The following AGBL4 variants were observed in gnomAD, a reference collection of about 807,000 sequenced individuals.
The protein encoded by AGBL4 is AGBL carboxypeptidase 4, also known as cytosolic carboxypeptidase 6.
Under a neutral mutation model 66.4 loss-of-function variants are expected in AGBL4, and 58 were observed. That is an observed-to-expected ratio of 0.87 (90% CI 0.71 to 1.09). The LOEUF (loss-of-function observed/expected upper bound fraction) is 1.09, where lower values mean the gene tolerates loss of function less well. Ranked by LOEUF, AGBL4 falls within the 50% of genes least tolerant of loss-of-function variation. AGBL4 has a pLI of 0.00. For synonymous variants in AGBL4, 234 were observed against 222.9 expected, an observed-to-expected ratio of 1.05 and a Z score of -0.44; for missense variants, 579 against 631.0, an observed-to-expected ratio of 0.92 and a Z score of 0.88.
rs185641059 is a variant in AGBL4, at chr1:49,368,797, G to A, written c.283-122933C>T. 2.2e-3 allele frequency among the ~76,000 whole-genome samples: 328 copies of A among 152,216 alleles called. 2 individuals carry two copies. Among genetic ancestry groups the A allele is most frequent in the African/African-American group, 7.3e-3 (303 of 41,542 alleles). On this transcript the variant is annotated intron_variant, in intron 3 of 13. Coordinates refer to ENST00000371839, the MANE Select transcript of AGBL4 (RefSeq NM_032785.4). ...TACTTAGAAGAAATTGAGGCTGGCC[G>A]GGTGTGGTGGCTCATGCCTGTAATC...
At chr1:49,865,365 C>G (rs1366212439) in intron 1 of AGBL4, among the ~76,000 whole-genome samples, 4 of 152,104 alleles carry the variant, frequency 2.6e-5, no homozygotes, top group African/African-American at 9.7e-5. Context: ...CAGGTCAGTG[C>G]CCCTCTGAAA....
At chr1:49,673,861 A>T (rs1646528933) in intron 3 of AGBL4, among the ~76,000 whole-genome samples, 1 of 151,944 alleles carries the variant, frequency 6.6e-6, no homozygotes, top group African/African-American at 2.4e-5. Context: ...GATGCTGGAG[A>T]AGAAGTGCCT....
At chr1:49,949,382 G>C (rs1205949679) in intron 1 of AGBL4, among the ~76,000 whole-genome samples, 3 of 151,734 alleles carry the variant, frequency 2.0e-5, no homozygotes, top group Non-Finnish European at 2.9e-5. Flanking sequence ...TAATTAAAGA[G>C]CTTTTCCATG....
chr1:48,966,454 G>A (rs1407747222), intron 5 of AGBL4, among the ~76,000 whole-genome samples: 1 of 152,030 alleles, frequency 6.6e-6, no homozygotes, highest in Non-Finnish European at 1.5e-5. Context: ...ACACACCCAA[G>A]CCCCCAAGTT....
intron 3 of AGBL4, among the ~76,000 whole-genome samples, chr1:49,473,054 T>C (rs1320616197): frequency 2.6e-5 from 4 of 152,100 alleles, no homozygotes; most frequent in African/African-American, 9.6e-5. Context: ...CAATCCACCA[T>C]TGATAAGCAT....
intron 3 of AGBL4, among the ~76,000 whole-genome samples, chr1:49,582,651 A>G (rs1183125233): frequency 1.3e-5 from 2 of 152,198 alleles, no homozygotes; most frequent in Non-Finnish European, 2.9e-5. Flanking sequence ...TAAGGCCAAT[A>G]GTTTCCAAAA....
chr1:48,746,655 A>C (rs1288602799), intron 6 of AGBL4, among the ~76,000 whole-genome samples: 1 of 152,256 alleles, frequency 6.6e-6, no homozygotes, highest in Non-Finnish European at 1.5e-5. Context: ...CCAAAGGTAC[A>C]TCTTAAAAGG....
chr1:49,642,913 AT>A (rs1289241831), intron 3 of AGBL4, among the ~76,000 whole-genome samples: 2 of 152,152 alleles, frequency 1.3e-5, no homozygotes, highest in East Asian at 3.9e-4. Context: ...ATAAAGTGAA[AT>A]TCACCATGTG....
chr1:49,636,759 G>A (rs866381737), intron 3 of AGBL4, among the ~76,000 whole-genome samples: 3 of 152,154 alleles, frequency 2.0e-5, no homozygotes, highest in African/African-American at 7.2e-5. Context: ...GGAGTCTTCA[G>A]GATACTAGTG....
At chr1:49,605,789 G>A (rs1645053428) in intron 3 of AGBL4, among the ~76,000 whole-genome samples, 1 of 151,842 alleles carries the variant, frequency 6.6e-6, no homozygotes, top group African/African-American at 2.4e-5. Flanking sequence ...GAACCACCTA[G>A]ACAGCTATTC....
At chr1:49,759,074 C>G (rs2147857202) in intron 2 of AGBL4, among the ~76,000 whole-genome samples, 1 of 152,210 alleles carries the variant, frequency 6.6e-6, no homozygotes, top group East Asian at 1.9e-4. Flanking sequence ...AGCAGTTTCC[C>G]CTTTTCTCTC....
intron 3 of AGBL4, among the ~76,000 whole-genome samples, chr1:49,623,743 A>G (rs778929005): frequency 2.0e-5 from 3 of 152,192 alleles, no homozygotes; most frequent in Admixed American, 6.5e-5. Flanking sequence ...GTAAGTGTCA[A>G]TTAGCTGGAT....
rs56877492 is a variant in AGBL4 at position 49,927,421 on chromosome 1, T to G, written c.35-75903A>C. 2.7e-3 allele frequency among the ~76,000 whole-genome samples: 404 copies of G among 152,184 alleles called. 3 individuals carry two copies. Among genetic ancestry groups the G allele is most frequent in the African/African-American group, 9.4e-3 (392 of 41,508 alleles). On this transcript the variant is annotated intron_variant, in intron 1 of 13. Transcript: ENST00000371839. ...GGAAGGCAAAGAAGAAGCAGGCACC[T>G]CCTTCACAGAGTAACAAGATGGAGT...
chr1:49,048,149 G>C (rs1333307711), intron 4 of AGBL4, among the ~76,000 whole-genome samples: 1 of 152,252 alleles, frequency 6.6e-6, no homozygotes, highest in Non-Finnish European at 1.5e-5. Context: ...CTGAGTTTGA[G>C]TCTCTTAGAG....
At chr1:49,370,355 C>G (rs1644317781) in intron 3 of AGBL4, among the ~76,000 whole-genome samples, 2 of 151,906 alleles carry the variant, frequency 1.3e-5, no homozygotes, top group African/African-American at 2.4e-5. Flanking sequence ...AGTCTTGAGT[C>G]TGAAATACAT....
At position 49,402,825 on chromosome 1, in the gene AGBL4, C is replaced by T. The variant is rs575785678; in HGVS notation, c.283-156961G>A. On this transcript the variant is annotated intron_variant, in intron 3 of 13. Transcript: ENST00000371839. ...CAGGTGATCTGCCCGCCTTGGCCTCCCAAAGTGCTGGGATCACAGGCATGA... is the reference window on the plus strand; with the variant it reads ...CAGGTGATCTGCCCGCCTTGGCCTCTCAAAGTGCTGGGATCACAGGCATGA... Among the ~76,000 whole-genome samples the T allele has an allele frequency of 2.0e-5, 3 of 152,294 alleles. No homozygotes were observed. The South Asian group carries it at 6.2e-4, about 32-fold the overall frequency.
intron 5 of AGBL4, among the ~76,000 whole-genome samples, chr1:48,962,975 T>C (rs1196250019): frequency 1.3e-5 from 2 of 151,394 alleles, no homozygotes; most frequent in Non-Finnish European, 2.9e-5. Flanking sequence ...CTATCTGGCA[T>C]GTAGTAGGCT....
chr1:49,147,393 C>T (rs1448218382), intron 4 of AGBL4, among the ~76,000 whole-genome samples: 1 of 152,154 alleles, frequency 6.6e-6, no homozygotes, highest in South Asian at 2.1e-4. Context: ...CAATTTCACA[C>T]CACTGCTGCA....
intron 2 of AGBL4, among the ~76,000 whole-genome samples, chr1:49,730,062 G>C (rs1402353577): frequency 6.6e-6 from 1 of 152,110 alleles, no homozygotes; most frequent in Non-Finnish European, 1.5e-5. Flanking sequence ...ACCTACAGCT[G>C]GGGCCTCCTG....
Sources: allele counts gnomAD v4.1 joint callset (sites outside exome capture counted in the v4.1 genomes callset), GRCh38; gene constraint gnomAD v4.1.1; transcripts MANE v1.5; gene names NCBI Gene and HGNC (gene_info 2026-07-23, HGNC 2026-07-21).